Variants in TRIT1 observed in about 807,000 individuals in gnomAD.
The protein encoded by TRIT1 is tRNA isopentenyltransferase 1.
A neutral mutation model predicts 51.2 loss-of-function variants in TRIT1; 43 were observed. The observed-to-expected ratio is 0.84, with a 90% confidence interval of 0.66 to 1.08. The LOEUF is 1.08. Among genes scored for constraint, TRIT1 ranks in the 50% least tolerant of loss-of-function variants. The probability of loss-of-function intolerance (pLI) is 0.00; values close to 1 mark genes in which losing one functional copy is unlikely to be tolerated. For synonymous variants in TRIT1, 184 were observed against 203.9 expected, an observed-to-expected ratio of 0.90 and a Z score of 0.83; for missense variants, 528 against 578.4, an observed-to-expected ratio of 0.91 and a Z score of 0.89.
intron 1 of TRIT1, chr1:39,881,624 T>C (rs1644269366): frequency 6.6e-6 from 1 of 152,126 alleles, no homozygotes; most frequent in African/African-American, 2.4e-5. Context: ...GGGAGTTCCA[T>C]CTGTAACTGA....
intron 1 of TRIT1, among the ~76,000 whole-genome samples, chr1:39,875,810 A>G (rs1262610952): frequency 6.6e-6 from 1 of 152,192 alleles, no homozygotes; most frequent in African/African-American, 2.4e-5. Flanking sequence ...GAGTTAGAGG[A>G]AAAAGTATAA....
intron 2 of TRIT1, among the ~76,000 whole-genome samples, chr1:39,854,763 T>G (rs560766731): frequency 1.3e-5 from 2 of 152,314 alleles, no homozygotes; most frequent in South Asian, 4.1e-4. Context: ...TGTTTTTTCA[T>G]CTCTGCTACT....
chr1:39,846,311 T>A (rs1247987455), intron 8 of TRIT1, among the ~76,000 whole-genome samples: 1 of 152,200 alleles, frequency 6.6e-6, no homozygotes, highest in Non-Finnish European at 1.5e-5. Context: ...GCTGGCCCTG[T>A]CTGTAATTGA....
chr1:39,852,398 C>G (rs780180346), intron 4 of TRIT1, among the ~76,000 whole-genome samples: 10 of 152,134 alleles, frequency 6.6e-5, no homozygotes, highest in Admixed American at 2.6e-4. Flanking sequence ...AAACCCAAAT[C>G]ACAATGTAAA....
chr1:39,867,984 G>T (rs1202577686), intron 1 of TRIT1, among the ~76,000 whole-genome samples: 1 of 149,270 alleles, frequency 6.7e-6, no homozygotes, highest in African/African-American at 2.5e-5. Flanking sequence ...TCGCTCTGTC[G>T]CCCAGGCTGG....
chr1:39,880,103 A>T (rs189058818), intron 1 of TRIT1, among the ~76,000 whole-genome samples: 5 of 151,886 alleles, frequency 3.3e-5, no homozygotes, highest in African/African-American at 1.2e-4. Flanking sequence ...GGAATCCTGG[A>T]GGCGGAGGTT....
intron 1 of TRIT1, among the ~76,000 whole-genome samples, chr1:39,858,397 C>T (rs971958810): frequency 6.6e-6 from 1 of 152,190 alleles, no homozygotes; most frequent in African/African-American, 2.4e-5. Context: ...TTGAAGAAGT[C>T]AGTTACTAAC....
chr1:39,854,125 A>G, intron 2 of TRIT1, 57 bp from the exon 3 acceptor site: 6 of 1,295,908 alleles, frequency 4.6e-6, no homozygotes, highest in African/African-American at 1.5e-5. Context: ...CTTTGGAAGG[A>G]CACCATTAGC....
At chr1:39,847,480 G>T in intron 7 of TRIT1, 68 bp downstream of exon 7, 1 of 1,557,324 alleles carries the variant, frequency 6.4e-7, no homozygotes, top group Non-Finnish European at 8.9e-7. Context: ...CTCTTTCTCA[G>T]ACCATACCAG....
intron 2 of TRIT1, among the ~76,000 whole-genome samples, chr1:39,856,478 T>C (rs551887994): frequency 1.3e-3 from 151 of 120,712 alleles, no homozygotes; most frequent in African/African-American, 4.8e-3. Flanking sequence ...AGTGAGACTG[T>C]CTCTAGGAGA....
At chr1:39,883,173 G>T in intron 1 of TRIT1, 145 bp downstream of exon 1, 1 of 744,670 alleles carries the variant, frequency 1.3e-6, no homozygotes, top group Non-Finnish European at 2.1e-6. Context: ...TCTGGCATGC[G>T]GCGGGTGCTT....
chr1:39,857,118 CTG>C (rs1304876202), intron 2 of TRIT1, among the ~76,000 whole-genome samples, 157 bp downstream of exon 2: 2 of 152,214 alleles, frequency 1.3e-5, no homozygotes, highest in East Asian at 3.8e-4. Context: ...GACAAAGACA[CTG>C]TATCTTTCAG....
intron 3 of TRIT1, among the ~76,000 whole-genome samples, 160 bp from the exon 4 acceptor site, chr1:39,853,036 CTA>C (rs747289813): frequency 2.7e-4 from 41 of 152,302 alleles, no homozygotes; most frequent in Admixed American, 2.1e-3. Context: ...GTGGTAAGTG[CTA>C]TGAGGCCACA....
intron 1 of TRIT1, chr1:39,876,150 A>C (rs1469530444): frequency 2.6e-5 from 4 of 152,144 alleles, no homozygotes; most frequent in African/African-American, 7.2e-5. Context: ...GAAAAACAAA[A>C]CCAATTCCAT....
intron 1 of TRIT1, among the ~76,000 whole-genome samples, chr1:39,871,241 G>C (rs1014438090): frequency 6.6e-6 from 1 of 151,638 alleles, no homozygotes; most frequent in Non-Finnish European, 1.5e-5. Context: ...CCAAACAGTG[G>C]AATACTACTC....
rs372515486 is a variant in TRIT1 at position 39,854,136 on chromosome 1, A to G, written c.316-68T>C. ...CTCACTTTGGAAGGACACCATTAGC[A>G]AGAAACCACATTCATTTATCTGCAG... is the stretch of plus-strand genomic sequence containing the variant. On this transcript the variant is annotated intron_variant, in intron 2 of 10. Coordinates refer to ENST00000316891, the MANE Select transcript of TRIT1 (RefSeq NM_017646.6). The G allele has an allele frequency of 1.6e-5, 18 of 1,135,914 alleles. 1 individual carries two copies. The East Asian group carries it at 4.3e-4, about 27-fold the overall frequency. 70.4% of individuals were successfully genotyped at this position (1,135,914 alleles called of 1,614,324 possible). A position where few individuals can be genotyped will look rare whatever the true frequency, so the allele number is the denominator to read the frequency against.
chr1:39,859,855 G>A (rs1643139736), intron 1 of TRIT1, among the ~76,000 whole-genome samples: 1 of 152,138 alleles, frequency 6.6e-6, no homozygotes, highest in South Asian at 2.1e-4. Context: ...CAAATGCATA[G>A]CTGCAAATGT....
At chr1:39,843,958 T>C (rs1362881900) in intron 10 of TRIT1, 143 bp downstream of exon 10, 3 of 521,572 alleles carry the variant, frequency 5.8e-6, no homozygotes, top group Non-Finnish European at 6.7e-6. Flanking sequence ...TCCAAGGAAT[T>C]TGAGCACAGG....
intron 1 of TRIT1, among the ~76,000 whole-genome samples, chr1:39,880,268 T>TAAAAAAAAA (rs1553148795): frequency 2.5e-4 from 24 of 94,866 alleles, no homozygotes; most frequent in Non-Finnish European, 3.6e-4. Context: ...AGACCTCAAA[T>TAAAAAAAAA]AAAAAAAAAA....
Sources: allele counts gnomAD v4.1 joint callset (sites outside exome capture counted in the v4.1 genomes callset), GRCh38; gene constraint gnomAD v4.1.1; transcripts MANE v1.5; gene names NCBI Gene and HGNC (gene_info 2026-07-23, HGNC 2026-07-21).